The following TTC28 variants were observed in gnomAD, a reference collection of about 807,000 sequenced individuals.
The protein encoded by TTC28 is tetratricopeptide repeat domain 28.
TTC28 carries 61 observed loss-of-function variants against 198.0 expected under a neutral mutation model. The observed-to-expected ratio is 0.31, with a 90% CI of 0.25 to 0.38. The LOEUF (loss-of-function observed/expected upper bound fraction) is 0.38. Among genes scored for constraint, TTC28 ranks in the 10% least tolerant of loss-of-function variants. The pLI is 1.00. For synonymous variants in TTC28, 1,171 were observed against 1,297.8 expected (o/e 0.90, Z 2.10); for missense variants, 2,678 against 3,164.0 (o/e 0.85, Z 3.69).
At chr22:28,020,555 T>C (rs1316689363) in intron 13 of TTC28, among the ~76,000 whole-genome samples, 1 of 152,144 alleles carries the variant, frequency 6.6e-6, no homozygotes, top group African/African-American at 2.4e-5. Context: ...CTTCCCTCGC[T>C]GCTCATGAAT....
intron 2 of TTC28, among the ~76,000 whole-genome samples, chr22:28,462,177 T>C (rs1392320155): frequency 2.0e-5 from 3 of 152,256 alleles, no homozygotes; most frequent in Non-Finnish European, 2.9e-5. Context: ...TCTCTGTATC[T>C]AGCCCATTTA....
At chr22:28,042,474 G>GC (rs1939685189) in intron 12 of TTC28, among the ~76,000 whole-genome samples, 1 of 151,938 alleles carries the variant, frequency 6.6e-6, no homozygotes. Flanking sequence ...GCAAACTATC[G>GC]CAAGGACAAA....
intron 2 of TTC28, among the ~76,000 whole-genome samples, chr22:28,412,725 G>T (rs2047101600): frequency 6.6e-6 from 1 of 152,184 alleles, no homozygotes; most frequent in South Asian, 2.1e-4. Context: ...CACAATTTCA[G>T]CATGGACTGT....
chr22:28,107,163 C>T lies in TTC28; in HGVS notation c.2682G>A (p.Glu894=). 1 of 1,551,716 alleles carries T rather than the reference C, an allele frequency of 6.4e-7. No individual in the cohort carries two copies. Among genetic ancestry groups the T allele is most frequent in the South Asian group, 1.2e-5 (1 of 84,056 alleles). Residue 894 remains glutamate (E), a synonymous_variant, in exon 7 of 23, where the codon GAG becomes GAA. Coordinates refer to ENST00000397906, the MANE Select transcript of TTC28 (RefSeq NM_001145418.2). ...ATTGTTCATAGTATTTGATAGCTTC[C>T]TCATAGTCACCCAGGGCTTCGTAGC... ...GDCYEALGDY[E]EAIKYYEQYL... is the part of the protein sequence containing the mutation.
chr22:28,494,299 T>G (rs1305323079), intron 2 of TTC28, among the ~76,000 whole-genome samples: 1 of 152,152 alleles, frequency 6.6e-6, no homozygotes, highest in Admixed American at 6.5e-5. Flanking sequence ...GTTACAATAA[T>G]TAACTGGGAG....
At chr22:28,456,133 T>C (rs2047856093) in intron 2 of TTC28, among the ~76,000 whole-genome samples, 1 of 146,264 alleles carries the variant, frequency 6.8e-6, no homozygotes, top group Non-Finnish European at 1.5e-5. Context: ...CACTCCAGCC[T>C]GGGCGACAGT....
chr22:28,393,203 T>C (rs117963664), intron 2 of TTC28, among the ~76,000 whole-genome samples: 2,203 of 152,202 alleles, frequency 0.014, 31 homozygotes, highest in Non-Finnish European at 0.02. Context: ...ATTTTCAAAC[T>C]AGATGATCAG....
Position 28,094,160 on chromosome 22 carries a change from A to T in TTC28, c.3852T>A (p.Leu1284=). The part of the protein sequence containing the change: ...SDFQASSSVT[L]PTATGSALEQ... The stretch of plus-strand genomic sequence containing the variant: ...CCAGGGCTGAGCCGGTTGCTGTTGG[A>T]AGGGTTACACTGCTGCTGGCCTGGA... Residue 1284 remains leucine, a synonymous_variant, in exon 12 of 23, where the codon CTT becomes CTA. Transcript: ENST00000397906. 1 of 1,551,608 alleles carries T rather than the reference A, an allele frequency of 6.4e-7. No homozygotes were observed. Among genetic ancestry groups the T allele is most frequent in the Non-Finnish European group, 8.7e-7 (1 of 1,146,964 alleles).
At chr22:28,072,202 A>G (rs1328482157) in intron 12 of TTC28, among the ~76,000 whole-genome samples, 4 of 152,244 alleles carry the variant, frequency 2.6e-5, no homozygotes, top group Middle Eastern at 3.2e-3. Context: ...GTAGATGATT[A>G]CAGGCTAACC....
At chr22:28,092,040 A>G (rs1382814792) in intron 12 of TTC28, among the ~76,000 whole-genome samples, 2 of 152,146 alleles carry the variant, frequency 1.3e-5, no homozygotes, top group African/African-American at 4.8e-5. Context: ...GGTGGAGAAG[A>G]TCTCTCAGAT....
At chr22:28,354,396 A>T (rs948507820) in intron 2 of TTC28, among the ~76,000 whole-genome samples, 1 of 152,236 alleles carries the variant, frequency 6.6e-6, no homozygotes, top group African/African-American at 2.4e-5. Context: ...CCTTGAAAAC[A>T]TTATGCTAAG....
intron 12 of TTC28, among the ~76,000 whole-genome samples, chr22:28,050,732 G>C (rs958803956): frequency 2.6e-5 from 4 of 151,904 alleles, no homozygotes; most frequent in African/African-American, 9.7e-5. Flanking sequence ...AAGAGATGAG[G>C]GTTTAGGATA....
chr22:28,412,966 A>G (rs896056623), intron 2 of TTC28, among the ~76,000 whole-genome samples: 1 of 152,192 alleles, frequency 6.6e-6, no homozygotes, highest in African/African-American at 2.4e-5. Context: ...TCCTTTTCAC[A>G]ATGAAATATT....
chr22:28,529,950 G>A (rs1459432026), intron 2 of TTC28, among the ~76,000 whole-genome samples: 1 of 152,122 alleles, frequency 6.6e-6, no homozygotes, highest in Non-Finnish European at 1.5e-5. Context: ...CAAAAATGGG[G>A]AAAAACCAGA....
chr22:28,280,442 G>A (rs1006122428), intron 5 of TTC28, among the ~76,000 whole-genome samples: 3 of 151,974 alleles, frequency 2.0e-5, no homozygotes, highest in South Asian at 2.1e-4. Flanking sequence ...GGGTTCAAGC[G>A]ATTCTCCTGC....
intron 12 of TTC28, among the ~76,000 whole-genome samples, chr22:28,076,289 G>A (rs1033755805): frequency 6.6e-6 from 1 of 152,194 alleles, no homozygotes; most frequent in African/African-American, 2.4e-5. Flanking sequence ...TGAGGCTAAT[G>A]ATGCAGCAAT....
chr22:28,625,550 C>T (rs1233892569), intron 2 of TTC28, among the ~76,000 whole-genome samples: 2 of 152,030 alleles, frequency 1.3e-5, no homozygotes, highest in Non-Finnish European at 2.9e-5. Context: ...AAAAGAAGGC[C>T]TAAGTAAATG....
chr22:28,590,652 C>A (rs955373885), intron 2 of TTC28, among the ~76,000 whole-genome samples: 1 of 151,948 alleles, frequency 6.6e-6, no homozygotes, highest in Non-Finnish European at 1.5e-5. Context: ...TGTAAGAAGT[C>A]CTAATCTTTA....
chr22:28,091,352 G>A (rs1941807454), intron 12 of TTC28, among the ~76,000 whole-genome samples: 1 of 152,196 alleles, frequency 6.6e-6, no homozygotes, highest in South Asian at 2.1e-4. Context: ...TGGATTAGGT[G>A]AAATATACAT....
Sources: allele counts gnomAD v4.1 joint callset (sites outside exome capture counted in the v4.1 genomes callset), GRCh38; gene constraint gnomAD v4.1.1; transcripts MANE v1.5; gene names NCBI Gene and HGNC (gene_info 2026-07-23, HGNC 2026-07-21).